FDFT1: variants seen among roughly 807,000 people sequenced by gnomAD.
FDFT1 encodes farnesyl-diphosphate farnesyltransferase 1.
A neutral mutation model predicts 46.8 loss-of-function variants in FDFT1; 68 were observed. That is an observed-to-expected ratio of 1.45 (90% CI 1.19 to 1.78). FDFT1 has a LOEUF of 1.78. FDFT1 is among the 40% of genes most tolerant of loss of function. FDFT1 has a pLI of 0.00. For synonymous variants in FDFT1, 351 were observed against 185.1 expected (o/e 1.90, Z -7.28); for missense variants, 928 against 524.4 (o/e 1.77, Z -7.52).
At chr8:11,800,492 A>G (rs947316133), upstream of FDFT1, among the ~76,000 whole-genome samples, 1 of 152,074 alleles carries the variant, frequency 6.6e-6, no homozygotes, top group Admixed American at 6.6e-5. Context: ...CCGATTGGCT[A>G]GCAACTTAGA....
chr8:11,837,518 C>A (rs961908541), intron 7 of FDFT1, among the ~76,000 whole-genome samples: 1 of 152,182 alleles, frequency 6.6e-6, no homozygotes, highest in Non-Finnish European at 1.5e-5. Context: ...AAACATGAGC[C>A]ACTGTGCCTG....
chr8:11,835,059 G>C (rs1234460875), intron 7 of FDFT1, among the ~76,000 whole-genome samples: 1 of 152,168 alleles, frequency 6.6e-6, no homozygotes, highest in Non-Finnish European at 1.5e-5. Flanking sequence ...GGGAGGTGGA[G>C]GTTGTAGTGA....
Position 11,831,556 on chromosome 8 carries a change from C to G in FDFT1, c.918C>G (p.Asn306Lys), listed in dbSNP as rs1302611097. ...CCACTTTGGCTGCCTGTTATAATAA[C>G]CAGCAGGTGTTCAAAGGGGCAGTGA... Reference protein sequence around the residue: ...AIATLAACYNNQQVFKGAVKI... With the variant: ...AIATLAACYNKQQVFKGAVKI... Residue 306 changes from asparagine to lysine, a missense_variant, in exon 7 of 8, where the codon AAC becomes AAG. Coordinates refer to ENST00000220584, the MANE Select transcript of FDFT1 (RefSeq NM_004462.5). 6.2e-7 allele frequency: 1 copy of G among 1,614,048 alleles called. No homozygotes were observed. Among genetic ancestry groups the G allele is most frequent in the Admixed American group, 1.7e-5 (1 of 60,028 alleles).
chr8:11,831,233 G>A (rs1810735854), intron 6 of FDFT1, among the ~76,000 whole-genome samples: 1 of 152,090 alleles, frequency 6.6e-6, no homozygotes, highest in Admixed American at 6.5e-5. Context: ...GGAAAATGTT[G>A]GATTTACTTG....
At chr8:11,803,020 CA>C (rs1806335080) in intron 1 of FDFT1, 89 bp downstream of exon 1, 1 of 1,510,564 alleles carries the variant, frequency 6.6e-7, no homozygotes, top group African/African-American at 1.4e-5. Context: ...GGATCTGGGG[CA>C]AGGGGCGCGG....
chr8:11,822,552 A>T (rs1473809934), intron 4 of FDFT1, among the ~76,000 whole-genome samples: 1 of 152,176 alleles, frequency 6.6e-6, no homozygotes, highest in African/African-American at 2.4e-5. Flanking sequence ...ACTATGGTTT[A>T]CCTGTAATCT....
intron 3 of FDFT1, among the ~76,000 whole-genome samples, chr8:11,817,689 T>C (rs941035265): frequency 1.3e-5 from 2 of 152,236 alleles, no homozygotes; most frequent in Non-Finnish European, 2.9e-5. Context: ...GTAGTTTGTA[T>C]TTCTGTGGGA....
At chr8:11,808,166 G>C (rs572630412) in intron 1 of FDFT1, 1 of 763,306 alleles carries the variant, frequency 1.3e-6, no homozygotes, top group African/African-American at 1.8e-5. Context: ...GCGATGCAAA[G>C]ACAGATGCGT....
intron 1 of FDFT1, among the ~76,000 whole-genome samples, chr8:11,807,177 G>A (rs1032433635): frequency 2.1e-4 from 32 of 151,900 alleles, no homozygotes; most frequent in Non-Finnish European, 4.0e-4. Flanking sequence ...TTTTTGAGAT[G>A]GGGTCCCACT....
At chr8:11,811,247 C>A (rs1439743854) in intron 3 of FDFT1, among the ~76,000 whole-genome samples, 1 of 152,162 alleles carries the variant, frequency 6.6e-6, no homozygotes, top group East Asian at 1.9e-4. Flanking sequence ...TGTGGCGATT[C>A]ATTGATGGGC....
At chr8:11,832,229 G>A (rs898113225) in intron 7 of FDFT1, among the ~76,000 whole-genome samples, 1 of 149,916 alleles carries the variant, frequency 6.7e-6, no homozygotes, top group Non-Finnish European at 1.5e-5. Flanking sequence ...TACCTTCTTA[G>A]GTCAAATCTC....
intron 1 of FDFT1, chr8:11,808,379 C>G: frequency 1.6e-6 from 2 of 1,213,546 alleles, no homozygotes; most frequent in Non-Finnish European, 2.0e-6. Flanking sequence ...GGCGGGGCTG[C>G]GGGGCTGCGG....
intron 1 of FDFT1, chr8:11,803,202 C>T: frequency 1.4e-6 from 2 of 1,415,748 alleles, no homozygotes; most frequent in African/African-American, 1.4e-5. Flanking sequence ...GTTTCGTCCC[C>T]TCCGTGAGCA....
intron 2 of FDFT1, chr8:11,809,283 G>T (rs934085366): frequency 8.2e-6 from 9 of 1,097,256 alleles, no homozygotes; most frequent in Non-Finnish European, 1.0e-5. Context: ...ACTTAGACCA[G>T]TTGCCTTTAT....
chr8:11,813,803 G>A (rs188694351), intron 3 of FDFT1, among the ~76,000 whole-genome samples: 40 of 152,270 alleles, frequency 2.6e-4, no homozygotes, highest in African/African-American at 9.1e-4. Context: ...TTACCTGGAA[G>A]CGGAAAAAGC....
intron 5 of FDFT1, among the ~76,000 whole-genome samples, chr8:11,829,044 A>G: frequency 6.6e-6 from 1 of 152,222 alleles, no homozygotes; most frequent in Non-Finnish European, 1.5e-5. Flanking sequence ...GCTGGTTCAT[A>G]CAGCAGCTCG....
At chr8:11,828,826 G>A (rs1307462056) in intron 5 of FDFT1, among the ~76,000 whole-genome samples, 1 of 152,188 alleles carries the variant, frequency 6.6e-6, no homozygotes, top group Non-Finnish European at 1.5e-5. Flanking sequence ...CCATGCTGGG[G>A]CATTGCATCA....
At chr8:11,803,117 C>G (rs1167419557) in intron 1 of FDFT1, 186 bp downstream of exon 1, 5 of 1,429,720 alleles carry the variant, frequency 3.5e-6, no homozygotes, top group Non-Finnish European at 9.1e-7. Flanking sequence ...GCCGTCCTGG[C>G]TGACCTGTCC....
At chr8:11,810,876 G>C (rs1015233446) in intron 3 of FDFT1, among the ~76,000 whole-genome samples, 1 of 141,744 alleles carries the variant, frequency 7.1e-6, no homozygotes, top group Non-Finnish European at 1.5e-5. Context: ...AGTGGACAGA[G>C]AGTCCTCCAC....
Sources: allele counts gnomAD v4.1 joint callset (sites outside exome capture counted in the v4.1 genomes callset), GRCh38; gene constraint gnomAD v4.1.1; transcripts MANE v1.5; gene names NCBI Gene and HGNC (gene_info 2026-07-23, HGNC 2026-07-21).